BCR: variants seen among roughly 807,000 people sequenced by gnomAD.
BCR encodes the protein breakpoint cluster region protein.
Under a neutral mutation model 138.6 loss-of-function variants are expected in BCR, and 58 were observed. The ratio of observed to expected loss-of-function variants is 0.42; its 90% CI spans 0.34 to 0.52. BCR has a LOEUF of 0.52. Ranked by LOEUF, BCR falls within the 20% of genes least tolerant of loss-of-function variation. The pLI, the probability that BCR is intolerant of heterozygous loss-of-function variation, is 0.06. For missense variants in BCR, 1,599 were observed against 1,727.2 expected, an observed-to-expected ratio of 0.93 and a Z score of 1.32; for synonymous variants, 786 against 730.1, an observed-to-expected ratio of 1.08 and a Z score of -1.23.
At chr22:23,298,452 C>T (rs1364954477) in intron 16 of BCR, among the ~76,000 whole-genome samples, 3 of 152,202 alleles carry the variant, frequency 2.0e-5, no homozygotes, top group Non-Finnish European at 2.9e-5. Flanking sequence ...TTTGTCACAC[C>T]CCCACCACAC....
intron 6 of BCR, among the ~76,000 whole-genome samples, chr22:23,272,601 G>A (rs1490508559): frequency 6.6e-6 from 1 of 152,090 alleles, no homozygotes; most frequent in Non-Finnish European, 1.5e-5. Context: ...CAGAGAACCT[G>A]TCAAACCAAG....
At chr22:23,242,741 C>T (rs1309336182) in intron 1 of BCR, 1 of 391,316 alleles carries the variant, frequency 2.6e-6, no homozygotes, top group Non-Finnish European at 5.2e-6. Context: ...CAGGCCATGT[C>T]TTAGTGTCCT....
At chr22:23,276,987 AG>A (rs2073585302) in intron 8 of BCR, among the ~76,000 whole-genome samples, 1 of 152,148 alleles carries the variant, frequency 6.6e-6, no homozygotes, top group South Asian at 2.1e-4. Context: ...ACTTTATGAA[AG>A]TGAGGGGTGG....
intron 1 of BCR, among the ~76,000 whole-genome samples, chr22:23,222,118 A>G (rs1018342984): frequency 1.3e-5 from 2 of 151,648 alleles, no homozygotes; most frequent in Non-Finnish European, 2.9e-5. Flanking sequence ...GAGAGAAGTG[A>G]TAGCCCTCCC....
Position 23,273,779 on chromosome 22 carries a change from G to C in BCR, c.2115+5G>C. 3.1e-6 allele frequency: 5 copies of C among 1,613,976 alleles called. No individual in the cohort carries two copies. Among genetic ancestry groups the C allele is most frequent in the Non-Finnish European group, 4.2e-6 (5 of 1,179,934 alleles). Reference sequence around the variant, plus strand: ...ATGACGGTGAAGAAGGGAGAGGTGAGTGTGGCAGGGGATGGCTTGGGTCCA... The same window carrying C: ...ATGACGGTGAAGAAGGGAGAGGTGACTGTGGCAGGGGATGGCTTGGGTCCA... On this transcript the variant is annotated splice_donor_5th_base_variant and intron_variant, in intron 8 of 22. Transcript: ENST00000305877.
At chr22:23,256,475 C>T (rs1039082604) in intron 2 of BCR, among the ~76,000 whole-genome samples, 1 of 152,150 alleles carries the variant, frequency 6.6e-6, no homozygotes. Context: ...CAGCCCCTTG[C>T]CCTCTGGTAT....
chr22:23,187,981 T>G (rs2267009), intron 1 of BCR, among the ~76,000 whole-genome samples: 34,784 of 152,130 alleles, frequency 0.23, 4,501 homozygotes, highest in East Asian at 0.35. Context: ...GGCGCCAGAG[T>G]GACCACTGCA....
intron 1 of BCR, among the ~76,000 whole-genome samples, chr22:23,208,581 T>C (rs1046996703): frequency 1.3e-5 from 2 of 152,208 alleles, no homozygotes; most frequent in Non-Finnish European, 1.5e-5. Context: ...AGCCAGGCAC[T>C]GTGGCTCATG....
intron 1 of BCR, among the ~76,000 whole-genome samples, chr22:23,252,434 T>TTTC (rs1440575644): frequency 2.1e-4 from 28 of 131,640 alleles, no homozygotes; most frequent in African/African-American, 7.1e-4. Context: ...TTTCTTTTCT[T>TTTC]TTTTTTTTTT....
chr22:23,227,717 A>G (rs947478627), intron 1 of BCR, among the ~76,000 whole-genome samples: 1 of 152,232 alleles, frequency 6.6e-6, no homozygotes, highest in Non-Finnish European at 1.5e-5. Flanking sequence ...TAGTACTGCC[A>G]GTGCTGCACC....
chr22:23,209,604 C>T (rs745436678), intron 1 of BCR, among the ~76,000 whole-genome samples: 4 of 151,574 alleles, frequency 2.6e-5, no homozygotes, highest in Non-Finnish European at 4.4e-5. Flanking sequence ...AGTGCAGTGG[C>T]GCGATCTCGG....
At chr22:23,254,229 C>A (rs1294010238) in intron 2 of BCR, among the ~76,000 whole-genome samples, 2 of 152,084 alleles carry the variant, frequency 1.3e-5, no homozygotes, top group East Asian at 3.9e-4. Flanking sequence ...GGTCTTGAGG[C>A]TGAGAATGTC....
intron 16 of BCR, among the ~76,000 whole-genome samples, chr22:23,299,501 C>A (rs1220835506): frequency 6.6e-6 from 1 of 152,100 alleles, no homozygotes; most frequent in Non-Finnish European, 1.5e-5. Flanking sequence ...CATACCTCCC[C>A]CAACTCCCAT....
chr22:23,210,836 G>A (rs1274254053), intron 1 of BCR, among the ~76,000 whole-genome samples: 1 of 152,116 alleles, frequency 6.6e-6, no homozygotes, highest in African/African-American at 2.4e-5. Context: ...TTATTACCGA[G>A]GATTATTTCA....
intron 8 of BCR, among the ~76,000 whole-genome samples, chr22:23,278,525 G>C (rs2073605291): frequency 6.6e-6 from 1 of 152,194 alleles, no homozygotes. Context: ...TTAGGACTTT[G>C]AGACCAGCCT....
chr22:23,288,238 T>G, intron 12 of BCR, 66 bp downstream of exon 12: 1 of 1,483,068 alleles, frequency 6.7e-7, no homozygotes. Flanking sequence ...GCAGCTCCTG[T>G]GGTTTTAAAC....
rs1046372991 is a variant in BCR, at chr22:23,230,824, C to T, written c.1280-22975C>T. ...CATGCCAGGCCTCACTTGCCACCAG[C>T]CTGCTCCCCAGCCGCACATCCAGCT... On this transcript the variant is annotated intron_variant, in intron 1 of 22. Coordinates refer to ENST00000305877, the MANE Select transcript of BCR (RefSeq NM_004327.4). Among the ~76,000 whole-genome samples the T allele has an allele frequency of 2.0e-5, 3 of 152,330 alleles. No homozygotes were observed. The Middle Eastern group carries it at 0.01, about 518-fold the overall frequency.
chr22:23,278,019 A>G (rs2146293722), intron 8 of BCR, among the ~76,000 whole-genome samples: 1 of 152,290 alleles, frequency 6.6e-6, no homozygotes, highest in South Asian at 2.1e-4. Flanking sequence ...GTTTCTTTCC[A>G]GGCCTGGGTT....
At chr22:23,314,172 C>G in intron 21 of BCR, 99 bp downstream of exon 21, 1 of 979,744 alleles carries the variant, frequency 1.0e-6, no homozygotes, top group Non-Finnish European at 1.6e-6. Flanking sequence ...GACCTTTTCT[C>G]CTGACCCTTG....
Sources: allele counts gnomAD v4.1 joint callset (sites outside exome capture counted in the v4.1 genomes callset), GRCh38; gene constraint gnomAD v4.1.1; transcripts MANE v1.5; gene names NCBI Gene and HGNC (gene_info 2026-07-23, HGNC 2026-07-21).